WDPCP: variants seen among roughly 807,000 people sequenced by gnomAD.
WDPCP encodes WD repeat-containing and planar cell polarity effector protein fritz homolog.
A neutral mutation model predicts 93.1 loss-of-function variants in WDPCP; 71 were observed. That is an observed-to-expected ratio of 0.76 (90% CI 0.63 to 0.93). The LOEUF (loss-of-function observed/expected upper bound fraction) is 0.93, where lower values mean the gene tolerates loss of function less well. Ranked by LOEUF, WDPCP falls within the 40% of genes least tolerant of loss-of-function variation. WDPCP has a pLI of 0.00. For synonymous variants in WDPCP, 315 were observed against 315.0 expected (o/e 1.00, Z 0.00); for missense variants, 844 against 887.4 (o/e 0.95, Z 0.62).
the WDPCP span, among the ~76,000 whole-genome samples, chr2:63,836,631 G>T: frequency 5.9e-5 from 9 of 151,796 alleles, no homozygotes; most frequent in African/African-American, 2.2e-4. Context: ...TTTTTTCCTG[G>T]GCCATTCACT....
chr2:63,602,934 C>CTTTTTTTTTTTTTTT lies in WDPCP; in HGVS notation n.488+47710_488+47724dup, dbSNP rs370479356. On this transcript the variant is annotated intron_variant and non_coding_transcript_variant, in intron 3 of 4. Transcript: ENST00000467687. ...ACATAATACAGTTTATTTAACCGTT[C>CTTTTTTTTTTTTTTT]TTTTTTTTTTTTTTTTTTTTTTTTT... 3.0e-4 allele frequency among the ~76,000 whole-genome samples: 40 copies of CTTTTTTTTTTTTTTT among 131,610 alleles called. 3 individuals carry two copies. The highest frequency in any genetic ancestry group is 5.4e-4 in the Non-Finnish European group (32 of 59,598). The allele number at this position is 131,610 out of a possible 152,430, so 86.3% of individuals were successfully genotyped here. A position where few individuals can be genotyped will look rare whatever the true frequency, so the allele number is the denominator to read the frequency against.
At chr2:63,514,952 A>G (rs963220670) in intron 1 of WDPCP, among the ~76,000 whole-genome samples, 3 of 152,134 alleles carry the variant, frequency 2.0e-5, no homozygotes, top group Admixed American at 2.0e-4. Flanking sequence ...CAAATAACAC[A>G]GCATCAGTAA....
At chr2:63,194,565 T>G (rs1039513254) in intron 14 of WDPCP, among the ~76,000 whole-genome samples, 2 of 152,168 alleles carry the variant, frequency 1.3e-5, no homozygotes, top group Non-Finnish European at 2.9e-5. Context: ...TACAAAAGTT[T>G]GTCTTTAACA....
At position 63,417,906 on chromosome 2, in the gene WDPCP, A is replaced by G. The variant is rs557204515; in HGVS notation, c.826-13249T>C. Among the ~76,000 whole-genome samples, 3 of 151,958 alleles carry G rather than the reference A, an allele frequency of 2.0e-5. No homozygotes were observed. In the East Asian group the frequency reaches 5.8e-4, roughly 29 times the overall value. ...CAATAAAAATGGGCTCAGATAAAAT[A>G]TGGCAATCAATAGAAGAAAATTCAT... is the stretch of plus-strand genomic sequence containing the variant. On this transcript the variant is annotated intron_variant, in intron 9 of 17. Coordinates refer to ENST00000272321, the MANE Select transcript of WDPCP (RefSeq NM_015910.7).
intron 3 of WDPCP, chr2:63,622,690 G>T: frequency 1.2e-6 from 2 of 1,613,816 alleles, no homozygotes; most frequent in South Asian, 1.1e-5. Flanking sequence ...AGCAGTTTCT[G>T]GTCAGGGGTC....
At chr2:63,254,396 G>GA (rs1680972520) in intron 14 of WDPCP, among the ~76,000 whole-genome samples, 2 of 151,890 alleles carry the variant, frequency 1.3e-5, no homozygotes, top group Admixed American at 1.3e-4. Flanking sequence ...AATTATTAAA[G>GA]AAAAAAACTT....
At chr2:63,808,973 G>A (rs904068081) in intron 2 of WDPCP, among the ~76,000 whole-genome samples, 1 of 151,950 alleles carries the variant, frequency 6.6e-6, no homozygotes. Context: ...TCTGAGATGT[G>A]GGGAGCGCCT....
intron 1 of WDPCP, among the ~76,000 whole-genome samples, chr2:63,517,013 A>G (rs1039747682): frequency 1.3e-5 from 2 of 152,098 alleles, no homozygotes; most frequent in Non-Finnish European, 2.9e-5. Flanking sequence ...TTTGAACTCT[A>G]TCTCACTATC....
chr2:63,134,317 A>G (rs1670474267), intron 17 of WDPCP, among the ~76,000 whole-genome samples: 1 of 152,148 alleles, frequency 6.6e-6, no homozygotes, highest in Admixed American at 6.5e-5. Context: ...TATTTCTATG[A>G]TTTAACTCAT....
intron 17 of WDPCP, among the ~76,000 whole-genome samples, chr2:63,143,199 T>G (rs1671225940): frequency 6.6e-6 from 1 of 152,188 alleles, no homozygotes; most frequent in South Asian, 2.1e-4. Flanking sequence ...TTAACTGCTG[T>G]TACTTTAAAA....
At chr2:63,350,617 G>A (rs1251546993) in intron 12 of WDPCP, among the ~76,000 whole-genome samples, 2 of 152,218 alleles carry the variant, frequency 1.3e-5, no homozygotes, top group South Asian at 4.1e-4. Flanking sequence ...CATTTGATCT[G>A]AGGTCTAAGC....
At chr2:63,714,810 G>C (rs902465807) in intron 2 of WDPCP, among the ~76,000 whole-genome samples, 1 of 152,178 alleles carries the variant, frequency 6.6e-6, no homozygotes, top group Non-Finnish European at 1.5e-5. Flanking sequence ...GCCTGGGTGA[G>C]AGAGTGAGAC....
chr2:63,691,472 T>G (rs1434465211), intron 2 of WDPCP, among the ~76,000 whole-genome samples: 3 of 151,896 alleles, frequency 2.0e-5, no homozygotes. Context: ...CCACCTCCAC[T>G]AAAAACACAA....
At chr2:63,247,317 T>C (rs960647372) in intron 14 of WDPCP, among the ~76,000 whole-genome samples, 5 of 152,226 alleles carry the variant, frequency 3.3e-5, no homozygotes, top group African/African-American at 1.2e-4. Flanking sequence ...CTGATGATGC[T>C]ACTGTACTAC....
intron 9 of WDPCP, among the ~76,000 whole-genome samples, chr2:63,413,895 C>A (rs1033603183): frequency 6.6e-6 from 1 of 152,002 alleles, no homozygotes; most frequent in Non-Finnish European, 1.5e-5. Context: ...AGTAAACAGA[C>A]AACCCAGTGG....
At chr2:63,261,839 A>G (rs1034979945) in intron 13 of WDPCP, among the ~76,000 whole-genome samples, 2 of 152,170 alleles carry the variant, frequency 1.3e-5, no homozygotes, top group Non-Finnish European at 2.9e-5. Context: ...TTAACAATAT[A>G]TCATAATTTA....
chr2:63,691,463 C>T (rs988388575), intron 2 of WDPCP, among the ~76,000 whole-genome samples: 3 of 152,056 alleles, frequency 2.0e-5, no homozygotes, highest in Non-Finnish European at 4.4e-5. Flanking sequence ...GTTGAAACCC[C>T]ACCTCCACTA....
At chr2:63,251,580 C>T (rs977401479) in intron 14 of WDPCP, among the ~76,000 whole-genome samples, 2 of 149,640 alleles carry the variant, frequency 1.3e-5, no homozygotes, top group Non-Finnish European at 3.0e-5. Context: ...CAATCTCTGC[C>T]TCCTGGGTTC....
In WDPCP at chr2:63,421,985, G is replaced by T. The variant is rs144403455; in HGVS notation, c.825+11760C>A. Among the ~76,000 whole-genome samples the T allele has an allele frequency of 3.8e-3, 580 of 152,308 alleles. 4 individuals are homozygous for T. The highest frequency in any genetic ancestry group is 0.013 in the African/African-American group (543 of 41,574). On this transcript the variant is annotated intron_variant, in intron 9 of 17. Transcript: ENST00000272321. ...AACTCTGTAGTCCTGAATTTGAGTT[G>T]TAAGTGTTGGCATGGACTCATTACG...
Sources: allele counts gnomAD v4.1 joint callset (sites outside exome capture counted in the v4.1 genomes callset), GRCh38; gene constraint gnomAD v4.1.1; transcripts MANE v1.5; gene names NCBI Gene and HGNC (gene_info 2026-07-23, HGNC 2026-07-21).